Variants in FAM184A observed in about 807,000 individuals in gnomAD.
FAM184A encodes the protein protein FAM184A.
FAM184A carries 99 observed loss-of-function variants against 143.8 expected under a neutral mutation model. That is an observed-to-expected ratio of 0.69 (90% CI 0.58 to 0.81). FAM184A has a LOEUF of 0.81. FAM184A is among the 40% of genes least tolerant of loss of function. The pLI is 0.00. For missense variants in FAM184A, 1,217 were observed against 1,310.5 expected (o/e 0.93, Z 1.10); for synonymous variants, 427 against 446.4 (o/e 0.96, Z 0.55).
Position 119,006,483 on chromosome 6 carries a change from G to C in FAM184A, c.1779C>G (p.Ser593Arg), listed in dbSNP as rs939030754. The change falls in exon 7 of 18, where the codon AGC becomes AGG. Residue 593 changes from serine to arginine, a missense_variant. Transcript: ENST00000338891. ...ATAGAGCATCCTTGGTCTCCTTTAG[G>C]CTGTCTTTAGTCAAGTCAAGCTCAT... The part of the protein sequence containing the change: ...LQNELDLTKD[S>R]LKETKDALLN... The C allele has an allele frequency of 6.2e-7, 1 of 1,613,824 alleles. No individual in the cohort carries two copies. The highest frequency in any genetic ancestry group is 1.7e-5 in the Admixed American group (1 of 59,980).
intron 1 of FAM184A, among the ~76,000 whole-genome samples, chr6:119,076,676 G>A (rs1787882380): frequency 6.6e-6 from 1 of 152,144 alleles, no homozygotes; most frequent in Admixed American, 6.5e-5. Flanking sequence ...TGAGAACAGT[G>A]GATGTTATGG....
chr6:119,066,713 T>G (rs889719005), intron 1 of FAM184A, among the ~76,000 whole-genome samples: 2 of 152,216 alleles, frequency 1.3e-5, no homozygotes, highest in African/African-American at 4.8e-5. Flanking sequence ...CTTTGCCAAC[T>G]CCCTCATGAT....
intron 1 of FAM184A, among the ~76,000 whole-genome samples, chr6:119,142,057 G>A (rs1230975751): frequency 6.6e-6 from 1 of 152,190 alleles, no homozygotes; most frequent in Non-Finnish European, 1.5e-5. Flanking sequence ...GGGCACCTGG[G>A]TATGTCAGCC....
chr6:119,097,873 T>G (rs1182034855), intron 1 of FAM184A, among the ~76,000 whole-genome samples: 1 of 152,188 alleles, frequency 6.6e-6, no homozygotes, highest in African/African-American at 2.4e-5. Flanking sequence ...CTTTCTGTCT[T>G]GGAGCTGGCC....
At chr6:118,984,149 T>A (rs1441759320) in intron 9 of FAM184A, among the ~76,000 whole-genome samples, 129 of 111,940 alleles carry the variant, frequency 1.2e-3, no homozygotes, top group African/African-American at 4.4e-3. Flanking sequence ...AAACTCCATT[T>A]AAAAAAAAAA....
upstream of FAM184A, among the ~76,000 whole-genome samples, chr6:119,082,315 C>G (rs1788096722): frequency 6.6e-6 from 1 of 152,164 alleles, no homozygotes. Flanking sequence ...CACCCCTGTT[C>G]CCTCCCAAAT....
intron 11 of FAM184A, among the ~76,000 whole-genome samples, chr6:118,978,705 A>G (rs1783921286): frequency 6.6e-6 from 1 of 152,108 alleles, no homozygotes; most frequent in Admixed American, 6.5e-5. Flanking sequence ...CCAAATTCCT[A>G]CTTGGAAAGA....
intron 5 of FAM184A, among the ~76,000 whole-genome samples, chr6:119,012,603 G>A (rs1415436615): frequency 1.3e-5 from 2 of 152,204 alleles, no homozygotes; most frequent in Non-Finnish European, 2.9e-5. Flanking sequence ...GAGAGACTTA[G>A]TACCCAGGTT....
chr6:119,052,708 TCAA>T (rs1222197693), intron 1 of FAM184A, among the ~76,000 whole-genome samples: 3 of 152,066 alleles, frequency 2.0e-5, no homozygotes, highest in Non-Finnish European at 4.4e-5. Context: ...ACCAAATGAA[TCAA>T]CAACCAACCA....
At chr6:119,059,783 A>T (rs1443990046) in intron 1 of FAM184A, among the ~76,000 whole-genome samples, 4 of 152,230 alleles carry the variant, frequency 2.6e-5, no homozygotes, top group African/African-American at 9.6e-5. Flanking sequence ...AGTACTTCAG[A>T]TGTTTATAAT....
intron 14 of FAM184A, among the ~76,000 whole-genome samples, chr6:118,971,300 C>T (rs539599427): frequency 1.3e-5 from 2 of 152,198 alleles, no homozygotes; most frequent in South Asian, 4.1e-4. Flanking sequence ...AAAACTTAAA[C>T]AAAAAATTAG....
intron 5 of FAM184A, among the ~76,000 whole-genome samples, chr6:119,014,707 G>A (rs1785185287): frequency 1.3e-5 from 2 of 152,134 alleles, no homozygotes; most frequent in South Asian, 4.1e-4. Context: ...AGAACTACCA[G>A]GTATGTTACT....
At chr6:118,976,105 TA>T in intron 11 of FAM184A, 61 bp from the exon 12 acceptor site, 1 of 1,508,666 alleles carries the variant, frequency 6.6e-7, no homozygotes, top group Non-Finnish European at 8.9e-7. Context: ...ATACTTTAGA[TA>T]AAAATTATAG....
At chr6:119,107,345 T>C (rs72955028) in intron 1 of FAM184A, among the ~76,000 whole-genome samples, 13,916 of 152,142 alleles carry the variant, frequency 0.091, 847 homozygotes, top group East Asian at 0.23. Flanking sequence ...TACTCAGGAA[T>C]AGAAGTAAAG....
At chr6:119,128,716 ACT>A (rs999704315) in intron 1 of FAM184A, among the ~76,000 whole-genome samples, 2 of 152,016 alleles carry the variant, frequency 1.3e-5, no homozygotes, top group African/African-American at 2.4e-5. Context: ...TTCTAACCTG[ACT>A]CTGGTATAGC....
intron 1 of FAM184A, among the ~76,000 whole-genome samples, chr6:119,105,465 C>T (rs1376371377): frequency 6.6e-6 from 1 of 152,118 alleles, no homozygotes; most frequent in Non-Finnish European, 1.5e-5. Flanking sequence ...ATGGTAAGAC[C>T]TGCTTGCTTC....
At chr6:119,046,226 CT>C (rs201528290) in intron 1 of FAM184A, among the ~76,000 whole-genome samples, 27,281 of 142,150 alleles carry the variant, frequency 0.19, 2,819 homozygotes, top group Non-Finnish European at 0.26. Flanking sequence ...AAATGTATAC[CT>C]TTTTTTTTTT....
chr6:118,961,720 TAAAA>T (rs755914141), intron 17 of FAM184A, 37 bp downstream of exon 17: 1 of 1,533,908 alleles, frequency 6.5e-7, no homozygotes, highest in South Asian at 1.2e-5. Flanking sequence ...TTTCTCAAGT[TAAAA>T]AAGAAAAGAA....
At chr6:119,009,853 A>G (rs1475435102) in intron 6 of FAM184A, among the ~76,000 whole-genome samples, 2 of 152,196 alleles carry the variant, frequency 1.3e-5, no homozygotes, top group African/African-American at 4.8e-5. Context: ...TAGGCATTCC[A>G]TATTTATTAA....
Sources: gnomAD v4.1 joint callset for allele counts (sites outside exome capture counted in the v4.1 genomes callset) on GRCh38, gnomAD v4.1.1 for gene constraint, MANE v1.5 for transcripts, NCBI Gene and HGNC (gene_info 2026-07-23, HGNC 2026-07-21) for gene names.